The following RIMBP2 variants were observed in gnomAD, a reference collection of about 807,000 sequenced individuals.
RIMBP2 encodes the protein RIMS binding protein 2.
In RIMBP2, 48 loss-of-function variants were observed where a neutral mutation model predicts 118.6. The observed-to-expected ratio is 0.40, with a 90% CI of 0.32 to 0.51. RIMBP2 has a LOEUF of 0.51. Among genes scored for constraint, RIMBP2 ranks in the 20% least tolerant of loss-of-function variants. The pLI is 0.41. For missense variants in RIMBP2, 1,551 were observed against 1,768.3 expected, an observed-to-expected ratio of 0.88 and a Z score of 2.20; for synonymous variants, 762 against 742.9, an observed-to-expected ratio of 1.03 and a Z score of -0.42.
At chr12:130,694,655 G>T (rs1360079470) in intron 1 of RIMBP2, among the ~76,000 whole-genome samples, 2 of 152,182 alleles carry the variant, frequency 1.3e-5, no homozygotes, top group Non-Finnish European at 2.9e-5. Context: ...CATGGATGGT[G>T]CTTCCCTGGA....
chr12:130,541,458 T>C (rs1442456776), intron 2 of RIMBP2, among the ~76,000 whole-genome samples: 1 of 152,224 alleles, frequency 6.6e-6, no homozygotes, highest in African/African-American at 2.4e-5. Context: ...TGGATGATAT[T>C]GAGTGAAGAT....
rs904954927 is a variant in RIMBP2 at position 130,587,843 on chromosome 12, G to GA, written c.-217+40478dup. 4.2e-3 allele frequency among the ~76,000 whole-genome samples: 570 copies of GA among 135,756 alleles called. 5 individuals are homozygous for GA. The highest frequency in any genetic ancestry group is 0.014 in the African/African-American group (493 of 36,166). The allele number at this position is 135,756 out of a possible 152,430, so 89.1% of individuals were successfully genotyped here. The stretch of plus-strand genomic sequence containing the variant: ...TTAAAGTATAATAAAAAAAAAAAAA[G>GA]AAAAAAAAAAGAAGAGATGGGGGAG... On this transcript the variant is annotated intron_variant, in intron 2 of 22. Transcript: ENST00000690449.
chr12:130,423,268 G>C (rs921620157), intron 16 of RIMBP2, among the ~76,000 whole-genome samples: 1 of 152,184 alleles, frequency 6.6e-6, no homozygotes, highest in South Asian at 2.1e-4. Context: ...AAGGGAGTCC[G>C]GGGATGAGGC....
intron 6 of RIMBP2, among the ~76,000 whole-genome samples, chr12:130,461,177 G>A (rs2137625799): frequency 6.6e-6 from 1 of 152,290 alleles, no homozygotes; most frequent in Admixed American, 6.5e-5. Context: ...TTCTCTCGAG[G>A]CGGCTGCAGA....
intron 1 of RIMBP2, among the ~76,000 whole-genome samples, chr12:130,646,748 A>G (rs551892202): frequency 6.6e-6 from 1 of 152,372 alleles, no homozygotes; most frequent in South Asian, 2.1e-4. Context: ...AGGGCAAGAG[A>G]AAGCCGCCTC....
intron 4 of RIMBP2, among the ~76,000 whole-genome samples, chr12:130,505,357 T>C (rs1173332033): frequency 2.0e-5 from 3 of 151,908 alleles, no homozygotes; most frequent in Admixed American, 2.0e-4. Flanking sequence ...TGCCCCATGG[T>C]TTTGGCACTT....
intron 2 of RIMBP2, among the ~76,000 whole-genome samples, chr12:130,592,213 A>G (rs965063423): frequency 6.6e-6 from 1 of 152,232 alleles, no homozygotes; most frequent in Non-Finnish European, 1.5e-5. Context: ...AACTGAGTCA[A>G]GCAAGCTTCT....
At chr12:130,679,428 A>G (rs1225675399) in intron 1 of RIMBP2, among the ~76,000 whole-genome samples, 1 of 152,234 alleles carries the variant, frequency 6.6e-6, no homozygotes, top group African/African-American at 2.4e-5. Context: ...AGAAACCATT[A>G]GTCTCACAAT....
intron 11 of RIMBP2, among the ~76,000 whole-genome samples, chr12:130,439,436 G>T (rs1323107099): frequency 1.3e-4 from 19 of 140,950 alleles, no homozygotes; most frequent in African/African-American, 4.8e-4. Context: ...TGTGTATGTG[G>T]GTGTGTGGGT....
Position 130,703,109 on chromosome 12 carries a change from G to A in RIMBP2, c.-352+13113C>T, listed in dbSNP as rs778186521. ...GCCTCCAGGTCACCAGGTCACTGCA[G>A]CAGGCCAGGGGTGGGATTCTTTGCC... On this transcript the variant is annotated intron_variant, in intron 1 of 22. Coordinates refer to ENST00000690449, the MANE Select transcript of RIMBP2 (RefSeq NM_001393629.1). The surrounding 1 kb of genome is among the most constrained non-coding windows in gnomAD (Gnocchi z 5.7). 2.0e-4 allele frequency among the ~76,000 whole-genome samples: 31 copies of A among 152,166 alleles called. No individual in the cohort carries two copies. Among genetic ancestry groups the A allele is most frequent in the Admixed American group, 5.2e-4 (8 of 15,282 alleles).
intron 21 of RIMBP2, among the ~76,000 whole-genome samples, chr12:130,405,141 C>T: frequency 6.6e-6 from 1 of 152,110 alleles, no homozygotes; most frequent in South Asian, 2.1e-4. Context: ...AAGGCAGAAA[C>T]ATTTGACCGC....
At chr12:130,593,372 A>G (rs1361617331) in intron 2 of RIMBP2, among the ~76,000 whole-genome samples, 2 of 152,270 alleles carry the variant, frequency 1.3e-5, no homozygotes, top group East Asian at 3.8e-4. Flanking sequence ...GGACAGGCAC[A>G]GTGCCCCGCA....
chr12:130,650,082 G>A (rs1340919426), intron 1 of RIMBP2, among the ~76,000 whole-genome samples: 1 of 151,832 alleles, frequency 6.6e-6, no homozygotes, highest in East Asian at 1.9e-4. Context: ...GTGAACCCTC[G>A]GGGAGACGCA....
intron 6 of RIMBP2, among the ~76,000 whole-genome samples, chr12:130,463,901 G>A (rs952353384): frequency 3.3e-5 from 5 of 151,114 alleles, no homozygotes; most frequent in Non-Finnish European, 7.4e-5. Flanking sequence ...AACCAAGATG[G>A]CAAAGAGAGT....
chr12:130,566,375 C>T (rs963715980), intron 2 of RIMBP2, among the ~76,000 whole-genome samples: 6 of 152,268 alleles, frequency 3.9e-5, no homozygotes, highest in Admixed American at 6.5e-5. Flanking sequence ...TTTAAGGAGG[C>T]GGAGATTAAC....
At chr12:130,554,529 G>A (rs2056149997) in intron 2 of RIMBP2, among the ~76,000 whole-genome samples, 1 of 152,010 alleles carries the variant, frequency 6.6e-6, no homozygotes, top group African/African-American at 2.4e-5. Flanking sequence ...TTCAATGACA[G>A]TTACTTAGGC....
At chr12:130,587,910 GC>G (rs1244532514) in intron 2 of RIMBP2, among the ~76,000 whole-genome samples, 3 of 151,168 alleles carry the variant, frequency 2.0e-5, no homozygotes, top group South Asian at 4.2e-4. Flanking sequence ...TGCTGGTGCT[GC>G]CCCCCACACA....
rs893724422 is a variant in RIMBP2 at position 130,511,915 on chromosome 12, C to T, written c.-126-5145G>A. ...CCAGGCAGCTGCCTCTGGCCAGGGTCACCACCTCTGGGCTTCCTGAGCACA... is the reference window on the plus strand; with the variant it reads ...CCAGGCAGCTGCCTCTGGCCAGGGTTACCACCTCTGGGCTTCCTGAGCACA... On this transcript the variant is annotated intron_variant, in intron 3 of 22. Coordinates refer to ENST00000690449, the MANE Select transcript of RIMBP2 (RefSeq NM_001393629.1). This position sits in a 1 kb window ranked among gnomAD's most constrained non-coding sequence, Gnocchi z 4.3. 6.6e-5 allele frequency among the ~76,000 whole-genome samples: 10 copies of T among 152,134 alleles called. No homozygotes were observed. The highest frequency in any genetic ancestry group is 2.2e-4 in the African/African-American group (9 of 41,426).
chr12:130,415,544 G>A (rs2076045484), intron 17 of RIMBP2, among the ~76,000 whole-genome samples: 1 of 152,214 alleles, frequency 6.6e-6, no homozygotes, highest in African/African-American at 2.4e-5. Flanking sequence ...GAGTGCTATA[G>A]CCAGAGCAGT....
Sources: allele counts gnomAD v4.1 joint callset (sites outside exome capture counted in the v4.1 genomes callset), GRCh38; gene constraint gnomAD v4.1.1; non-coding constraint Gnocchi (gnomAD v3.1); transcripts MANE v1.5; gene names NCBI Gene and HGNC (gene_info 2026-07-23, HGNC 2026-07-21).